The following LRPPRC variants were observed in gnomAD, a reference collection of about 807,000 sequenced individuals.
LRPPRC encodes leucine rich pentatricopeptide repeat containing.
A neutral mutation model predicts 180.3 loss-of-function variants in LRPPRC; 120 were observed. That is an observed-to-expected ratio of 0.67 (90% confidence interval 0.57 to 0.77). The LOEUF (loss-of-function observed/expected upper bound fraction) is 0.77, where lower values mean the gene tolerates loss of function less well. Ranked by LOEUF, LRPPRC falls within the 30% of genes least tolerant of loss-of-function variation. LRPPRC has a pLI of 0.00. For missense variants in LRPPRC, 2,012 were observed against 1,657.2 expected, an observed-to-expected ratio of 1.21 and a Z score of -3.72; for synonymous variants, 723 against 600.0, an observed-to-expected ratio of 1.21 and a Z score of -3.00.
At chr2:43,981,477 G>A (rs558566593) in intron 2 of LRPPRC, among the ~76,000 whole-genome samples, 56 of 152,194 alleles carry the variant, frequency 3.7e-4, no homozygotes, top group East Asian at 2.3e-3. Flanking sequence ...TGGCCAACAT[G>A]GTGAAACCCC....
At chr2:43,967,870 T>C (rs958298724) in intron 11 of LRPPRC, among the ~76,000 whole-genome samples, 1 of 152,176 alleles carries the variant, frequency 6.6e-6, no homozygotes, top group Non-Finnish European at 1.5e-5. Context: ...ACAACCTTGA[T>C]AACTACCATA....
chr2:43,917,938 C>T, intron 29 of LRPPRC, 87 bp downstream of exon 29: 1 of 883,328 alleles, frequency 1.1e-6, no homozygotes, highest in South Asian at 1.4e-5. Flanking sequence ...TCCTAGAGCA[C>T]TTCTAATTGG....
intron 11 of LRPPRC, among the ~76,000 whole-genome samples, chr2:43,971,043 G>A (rs1673783033): frequency 6.6e-6 from 1 of 151,618 alleles, no homozygotes; most frequent in African/African-American, 2.4e-5. Flanking sequence ...GAGGTTGCAG[G>A]GAGCCGAGAT....
chr2:43,921,044 C>A (rs1671681518), intron 27 of LRPPRC, among the ~76,000 whole-genome samples: 1 of 152,146 alleles, frequency 6.6e-6, no homozygotes, highest in East Asian at 1.9e-4. Context: ...GTAATCCCAG[C>A]ACTTTGGGAA....
intron 23 of LRPPRC, among the ~76,000 whole-genome samples, chr2:43,940,783 G>A (rs1360526119): frequency 6.6e-6 from 1 of 152,078 alleles, no homozygotes; most frequent in Non-Finnish European, 1.5e-5. Context: ...ACCATAACAT[G>A]AAGACTAATA....
Position 43,959,097 on chromosome 2 carries a change from A to T in LRPPRC, c.1582+1444T>A, listed in dbSNP as rs41476150. On this transcript the variant is annotated intron_variant, in intron 13 of 37. Transcript: ENST00000260665. The stretch of plus-strand genomic sequence containing the variant: ...CAACAAACAAGCCTGAAAAATCAAG[A>T]GGTTGACAACGAAGTGGAATGGATG... 1,071 of 642,872 alleles carry T rather than the reference A, an allele frequency of 1.7e-3. 20 individuals are homozygous for T. In the African/African-American group the frequency reaches 0.018, roughly 11 times the overall value. The allele number at this position is 642,872 out of a possible 1,614,324, so 39.8% of individuals were successfully genotyped here. A position where few individuals can be genotyped will look rare whatever the true frequency, so the allele number is the denominator to read the frequency against.
chr2:43,942,713 A>G (rs528891011), intron 23 of LRPPRC, among the ~76,000 whole-genome samples: 1 of 152,188 alleles, frequency 6.6e-6, no homozygotes, highest in South Asian at 2.1e-4. Flanking sequence ...GTTAAAATAC[A>G]TATTTTATTT....
intron 23 of LRPPRC, among the ~76,000 whole-genome samples, chr2:43,942,811 T>C (rs149606928): frequency 7.9e-5 from 12 of 152,292 alleles, no homozygotes; most frequent in Middle Eastern, 3.4e-3. Flanking sequence ...TCCCTGTTAA[T>C]TGAACTAAAG....
intron 29 of LRPPRC, 71 bp downstream of exon 29, chr2:43,917,954 C>G: frequency 9.3e-7 from 1 of 1,074,564 alleles, no homozygotes; most frequent in Non-Finnish European, 1.4e-6. Flanking sequence ...ATTGGTTGGG[C>G]TTACACCCCA....
chr2:43,944,507 C>A (rs577637497), intron 22 of LRPPRC, among the ~76,000 whole-genome samples: 1 of 152,064 alleles, frequency 6.6e-6, no homozygotes, highest in African/African-American at 2.4e-5. Context: ...AATGTTTTGA[C>A]CACTTTACAA....
intron 13 of LRPPRC, 114 bp downstream of exon 13, chr2:43,960,427 C>G (rs1338877575): frequency 2.7e-6 from 2 of 734,826 alleles, no homozygotes; most frequent in Non-Finnish European, 2.5e-6. Flanking sequence ...ATCAGTCTGG[C>G]TTTAACAAAA....
intron 22 of LRPPRC, among the ~76,000 whole-genome samples, chr2:43,944,737 G>A (rs1672614503): frequency 6.6e-6 from 1 of 151,916 alleles, no homozygotes; most frequent in Non-Finnish European, 1.5e-5. Flanking sequence ...TAGTATGAAT[G>A]TATTATCAAG....
chr2:43,914,315 A>G (rs1272629487), intron 29 of LRPPRC, among the ~76,000 whole-genome samples: 1 of 152,176 alleles, frequency 6.6e-6, no homozygotes, highest in African/African-American at 2.4e-5. Context: ...CAATCACGAT[A>G]TACCTTTAAG....
chr2:43,961,133 A>T (rs1673330807), intron 12 of LRPPRC, among the ~76,000 whole-genome samples: 1 of 152,228 alleles, frequency 6.6e-6, no homozygotes, highest in Non-Finnish European at 1.5e-5. Context: ...ATAAGCAAGG[A>T]TAAAAAATAA....
chr2:43,963,374 G>A, intron 12 of LRPPRC: 1 of 611,728 alleles, frequency 1.6e-6, no homozygotes, highest in Non-Finnish European at 2.9e-6. Context: ...AACCCAGGAG[G>A]CAAAGGTTGC....
At position 43,974,558 on chromosome 2, in the gene LRPPRC, A is replaced by C. The variant is rs1673963574; in HGVS notation, c.1009+56T>G. On this transcript the variant is annotated intron_variant, in intron 8 of 37. Coordinates refer to ENST00000260665, the MANE Select transcript of LRPPRC (RefSeq NM_133259.4). ...TAGAAAATGTCCTTTCCATCATGTA[A>C]GAATAGCAATTCAGATTTTTATAAA... The C allele has an allele frequency of 2.5e-6, 3 of 1,211,050 alleles. 1 individual carries two copies. Among genetic ancestry groups the C allele is most frequent in the Non-Finnish European group, 1.2e-6 (1 of 835,840 alleles). 75.0% of individuals were successfully genotyped at this position (1,211,050 alleles called of 1,614,324 possible).
chr2:43,918,920 C>A lies in LRPPRC; in HGVS notation c.2897-522G>T, dbSNP rs973109734. Among the ~76,000 whole-genome samples, 3 of 150,828 alleles carry A rather than the reference C, an allele frequency of 2.0e-5. No individual in the cohort carries two copies. In the South Asian group the frequency reaches 6.3e-4, roughly 31 times the overall value. ...CATATACATACATACATACGTGTAC[C>A]GTATGCAATATACATATATCTGTGA... On this transcript the variant is annotated intron_variant, in intron 27 of 37. Transcript: ENST00000260665.
intron 11 of LRPPRC, among the ~76,000 whole-genome samples, chr2:43,967,642 C>T (rs779882875): frequency 6.6e-5 from 10 of 151,926 alleles, no homozygotes; most frequent in Non-Finnish European, 1.2e-4. Flanking sequence ...TACAGTGAGC[C>T]AGTATCACGC....
At chr2:43,905,335 A>G (rs189551497) in intron 31 of LRPPRC, among the ~76,000 whole-genome samples, 1 of 152,334 alleles carries the variant, frequency 6.6e-6, no homozygotes, top group African/African-American at 2.4e-5. Flanking sequence ...AAAGTATGTT[A>G]ATTTCCAAAG....
Sources: gnomAD v4.1 joint callset for allele counts (sites outside exome capture counted in the v4.1 genomes callset) on GRCh38, gnomAD v4.1.1 for gene constraint, MANE v1.5 for transcripts, NCBI Gene and HGNC (gene_info 2026-07-23, HGNC 2026-07-21) for gene names.